The following ITGA2 variants were observed in gnomAD, a reference collection of about 807,000 sequenced individuals.
The protein encoded by ITGA2 is integrin subunit alpha 2.
A neutral mutation model predicts 146.3 loss-of-function variants in ITGA2; 101 were observed. The ratio of observed to expected loss-of-function variants is 0.69; its 90% CI spans 0.59 to 0.81. The LOEUF is 0.81. Among genes scored for constraint, ITGA2 ranks in the 40% least tolerant of loss-of-function variants. The probability of loss-of-function intolerance (pLI) is 0.00; values close to 1 mark genes in which losing one functional copy is unlikely to be tolerated. For synonymous variants in ITGA2, 477 were observed against 487.1 expected (o/e 0.98, Z 0.27); for missense variants, 1,281 against 1,402.7 (o/e 0.91, Z 1.39).
At chr5:53,053,893 A>C (rs1024007575) in intron 7 of ITGA2, among the ~76,000 whole-genome samples, 3 of 152,136 alleles carry the variant, frequency 2.0e-5, no homozygotes, top group African/African-American at 7.2e-5. Flanking sequence ...TTATTGTTTT[A>C]AGCACTGCGG....
At chr5:53,024,300 T>A (rs1450074601) in intron 1 of ITGA2, among the ~76,000 whole-genome samples, 1 of 152,164 alleles carries the variant, frequency 6.6e-6, no homozygotes, top group Non-Finnish European at 1.5e-5. Context: ...ACATTATAAT[T>A]TAAATAGAGG....
intron 1 of ITGA2, among the ~76,000 whole-genome samples, chr5:52,991,764 G>A (rs1488704671): frequency 6.6e-6 from 1 of 152,112 alleles, no homozygotes; most frequent in Admixed American, 6.5e-5. Context: ...AGGTGCTTAA[G>A]AAGAAAATGT....
At chr5:53,089,748 T>C (rs892818584) in intron 28 of ITGA2, among the ~76,000 whole-genome samples, 198 bp from the exon 29 acceptor site, 1 of 152,248 alleles carries the variant, frequency 6.6e-6, no homozygotes. Context: ...AAAAGTTGTA[T>C]TTTTTAGCTG....
intron 3 of ITGA2, 104 bp from the exon 4 acceptor site, chr5:53,044,897 A>T: frequency 3.8e-6 from 3 of 797,510 alleles, no homozygotes; most frequent in Non-Finnish European, 6.5e-6. Context: ...GATGACACTA[A>T]ATTCAATGCT....
intron 3 of ITGA2, 107 bp from the exon 4 acceptor site, chr5:53,044,894 C>T: frequency 1.3e-6 from 1 of 786,204 alleles, no homozygotes; most frequent in Non-Finnish European, 2.2e-6. Context: ...ATTGATGACA[C>T]TAAATTCAAT....
In ITGA2 at chr5:53,070,170, G is replaced by C; in HGVS notation, c.2145G>C (p.Gly715=). Residue 715 remains glycine (G), a synonymous_variant, in exon 17 of 30, where the codon GGG becomes GGC. Coordinates refer to ENST00000296585, the MANE Select transcript of ITGA2 (RefSeq NM_002203.4). ...DGFSSRVTSR[G]LFKENNERCL... ...TTTCATCCAGAGTAACCTCCAGGGGGTTATTTAAAGAAAACAATGAAAGGT... is the reference window on the plus strand; with the variant it reads ...TTTCATCCAGAGTAACCTCCAGGGGCTTATTTAAAGAAAACAATGAAAGGT... 6.2e-7 allele frequency: 1 copy of C among 1,611,712 alleles called. No homozygotes were observed. Among genetic ancestry groups the C allele is most frequent in the Non-Finnish European group, 8.5e-7 (1 of 1,178,490 alleles).
At chr5:53,046,065 C>T (rs574963086) in intron 4 of ITGA2, among the ~76,000 whole-genome samples, 22 of 151,680 alleles carry the variant, frequency 1.5e-4, no homozygotes, top group African/African-American at 4.6e-4. Flanking sequence ...GTGGCACACA[C>T]CTGTAATCCC....
intron 2 of ITGA2, among the ~76,000 whole-genome samples, chr5:53,030,160 C>T (rs1312967201): frequency 6.6e-6 from 1 of 152,214 alleles, no homozygotes; most frequent in Non-Finnish European, 1.5e-5. Flanking sequence ...GTTCTGGGAA[C>T]ATGAGAGGCA....
chr5:53,043,269 G>A (rs1412715743), intron 3 of ITGA2, among the ~76,000 whole-genome samples: 1 of 147,262 alleles, frequency 6.8e-6, no homozygotes, highest in Non-Finnish European at 1.5e-5. Flanking sequence ...TTATTATATA[G>A]TCCAAAAATT....
intron 2 of ITGA2, among the ~76,000 whole-genome samples, chr5:53,040,172 G>C (rs751181205): frequency 1.1e-4 from 16 of 152,268 alleles, no homozygotes; most frequent in Non-Finnish European, 2.1e-4. Context: ...ACTCTAATTT[G>C]AAGGAGAAGC....
chr5:53,083,000 T>C (rs568703177), intron 26 of ITGA2, among the ~76,000 whole-genome samples: 9 of 137,802 alleles, frequency 6.5e-5, no homozygotes, highest in Non-Finnish European at 1.3e-4. Context: ...GTTACAGTTT[T>C]GGGGGGGGTT....
At chr5:53,090,351 A>C (rs565437826) in intron 29 of ITGA2, among the ~76,000 whole-genome samples, 168 bp from the exon 30 acceptor site, 5 of 152,280 alleles carry the variant, frequency 3.3e-5, no homozygotes, top group African/African-American at 1.2e-4. Flanking sequence ...CTGGATATAA[A>C]TTTCCTTCTA....
At chr5:53,051,980 T>A (rs1744391594) in intron 7 of ITGA2, among the ~76,000 whole-genome samples, 1 of 152,044 alleles carries the variant, frequency 6.6e-6, no homozygotes, top group Non-Finnish European at 1.5e-5. Flanking sequence ...TTATTATGCT[T>A]ATTACAATCA....
rs756489618 is a variant in ITGA2, at chr5:53,093,898, ATAAGAACTCC to A, written c.*3303_*3312del. The stretch of plus-strand genomic sequence containing the variant: ...GTGCATGACTCATTTCAGCAGCAAA[ATAAGAACTCC>A]TAACTGAACAGAAATTTTTCTACCT... On this transcript the variant is annotated 3_prime_UTR_variant, in exon 30 of 30. Coordinates refer to ENST00000296585, the MANE Select transcript of ITGA2 (RefSeq NM_002203.4). The A allele has an allele frequency of 6.5e-6, 1 of 152,672 alleles. No homozygotes were observed. Among genetic ancestry groups the A allele is most frequent in the Non-Finnish European group, 1.5e-5 (1 of 68,032 alleles). The allele number at this position is 152,672 out of a possible 1,614,324, so 9.5% of individuals were successfully genotyped here. A position where few individuals can be genotyped will look rare whatever the true frequency, so the allele number is the denominator to read the frequency against.
At chr5:53,013,511 C>G (rs911843709) in intron 1 of ITGA2, among the ~76,000 whole-genome samples, 1 of 151,888 alleles carries the variant, frequency 6.6e-6, no homozygotes, top group Non-Finnish European at 1.5e-5. Flanking sequence ...ATTACTGTAG[C>G]CTTGTAGTAT....
At chr5:53,002,661 A>G (rs1203489607) in intron 1 of ITGA2, among the ~76,000 whole-genome samples, 1 of 152,198 alleles carries the variant, frequency 6.6e-6, no homozygotes, top group African/African-American at 2.4e-5. Context: ...ATGTGGCTAT[A>G]AACATCATTG....
chr5:53,059,836 G>A, intron 10 of ITGA2, 38 bp from the exon 11 acceptor site: 1 of 1,602,384 alleles, frequency 6.2e-7, no homozygotes, highest in Non-Finnish European at 8.5e-7. Flanking sequence ...TTTTAAAGGT[G>A]ATTTGTTTCA....
In ITGA2 at chr5:52,989,465, C is replaced by G; in HGVS notation, c.-4C>G. ...GCAACTACGGTCCCCCGGTCAGACC[C>G]AGGATGGGGCCAGAACGGACAGGGG... On this transcript the variant is annotated 5_prime_UTR_variant, in exon 1 of 30. Transcript: ENST00000296585. 4 of 1,614,176 alleles carry G rather than the reference C, an allele frequency of 2.5e-6. No individual in the cohort carries two copies. The highest frequency in any genetic ancestry group is 3.4e-6 in the Non-Finnish European group (4 of 1,179,992).
chr5:53,086,878 A>G, intron 27 of ITGA2, 74 bp from the exon 28 acceptor site: 1 of 1,184,338 alleles, frequency 8.4e-7, no homozygotes, highest in South Asian at 1.3e-5. Context: ...ATAAATACAT[A>G]AATCATAAGC....
Sources: allele counts gnomAD v4.1 joint callset (sites outside exome capture counted in the v4.1 genomes callset), GRCh38; gene constraint gnomAD v4.1.1; transcripts MANE v1.5; gene names NCBI Gene and HGNC (gene_info 2026-07-23, HGNC 2026-07-21).